Variants in FUNDC2 observed in about 807,000 individuals in gnomAD.
FUNDC2 encodes the protein FUN14 domain containing 2.
FUNDC2 carries 4 observed loss-of-function variants against 15.6 expected under a neutral mutation model. That is an observed-to-expected ratio of 0.26 (90% CI 0.13 to 0.59). The LOEUF (loss-of-function observed/expected upper bound fraction) is 0.59. FUNDC2 is among the 20% of genes least tolerant of loss of function. FUNDC2 has a pLI of 0.90. For missense variants in FUNDC2, 98 were observed against 149.7 expected (o/e 0.65, Z 1.80); for synonymous variants, 44 against 56.9 (o/e 0.77, Z 1.02).
chrX:155,051,626 A>AATC, intron 3 of FUNDC2, 44 bp from the exon 4 acceptor site: 1 of 1,189,206 alleles, frequency 8.4e-7, no homozygotes, highest in Non-Finnish European at 1.1e-6. Flanking sequence ...AGAAATAACA[A>AATC]ATCTGTTTCT....
chrX:155,027,855 G>A (rs1266499934), intron 1 of FUNDC2, among the ~76,000 whole-genome samples: 1 of 111,350 alleles, frequency 9.0e-6, no homozygotes, highest in Non-Finnish European at 1.9e-5. Flanking sequence ...CCCATCTCTG[G>A]GTTCAGTAGT....
At chrX:155,045,967 A>G (rs782292839) in intron 2 of FUNDC2, among the ~76,000 whole-genome samples, 2 of 110,846 alleles carry the variant, frequency 1.8e-5, no homozygotes, top group East Asian at 5.6e-4. Context: ...ACATATTCAA[A>G]ATGACATTAT....
rs1557291306 is a variant in FUNDC2 at position 155,058,232 on chromosome X, C to A, written c.*3560C>A. The stretch of plus-strand genomic sequence containing the variant: ...ACGATTCAAGTTGGCGGACTAGATT[C>A]TACAAGGAATGATCTCTTGCATAAT... On this transcript the variant is annotated 3_prime_UTR_variant, in exon 5 of 5. Transcript: ENST00000369498. 9.0e-6 allele frequency: 1 copy of A among 111,456 alleles called. No homozygotes were observed. The highest frequency in any genetic ancestry group is 3.3e-5 in the African/African-American group (1 of 30,569). The allele number at this position is 111,456 out of a possible 1,213,427, so 9.2% of individuals were successfully genotyped here. A position where few individuals can be genotyped will look rare whatever the true frequency, so the allele number is the denominator to read the frequency against.
chrX:155,056,202 C>T lies in FUNDC2; in HGVS notation c.*1530C>T, dbSNP rs2073895282. Reference sequence around the variant, plus strand: ...AGTAGAGAATATAGTACAATAATCCCCCTGTGTATCTATCACTCACTCACA... The same window carrying T: ...AGTAGAGAATATAGTACAATAATCCTCCTGTGTATCTATCACTCACTCACA... On this transcript the variant is annotated 3_prime_UTR_variant, in exon 5 of 5. Coordinates refer to ENST00000369498, the MANE Select transcript of FUNDC2 (RefSeq NM_023934.4). 1 of 111,667 alleles carries T rather than the reference C, an allele frequency of 9.0e-6. No homozygotes were observed. Among genetic ancestry groups the T allele is most frequent in the African/African-American group, 3.3e-5 (1 of 30,670 alleles). 9.2% of individuals were successfully genotyped at this position (111,667 alleles called of 1,213,427 possible). A position where few individuals can be genotyped will look rare whatever the true frequency, so the allele number is the denominator to read the frequency against.
chrX:155,031,495 A>C (rs2124184895), intron 1 of FUNDC2, among the ~76,000 whole-genome samples: 1 of 111,327 alleles, frequency 9.0e-6, no homozygotes, highest in African/African-American at 3.3e-5. Context: ...ACGCCCAGCT[A>C]ATTTTTGTAT....
intron 2 of FUNDC2, among the ~76,000 whole-genome samples, chrX:155,040,737 CTA>C (rs1339647082): frequency 9.0e-6 from 1 of 111,420 alleles, no homozygotes; most frequent in Admixed American, 9.5e-5. Context: ...TATGATAATT[CTA>C]TGTTTACTTT....
intron 2 of FUNDC2, among the ~76,000 whole-genome samples, chrX:155,042,175 C>CTTTTTTTTTTTTTTTTTTTTTTT (rs1175079092): frequency 7.7e-5 from 3 of 39,189 alleles, no homozygotes; most frequent in Non-Finnish European, 1.3e-4. Flanking sequence ...CTTTTTCTAT[C>CTTTTTTTTTTTTTTTTTTTTTTT]TTTTTTTTTT....
intron 1 of FUNDC2, among the ~76,000 whole-genome samples, chrX:155,029,025 G>A (rs2073805588): frequency 9.0e-6 from 1 of 111,693 alleles, no homozygotes; most frequent in African/African-American, 3.3e-5. Flanking sequence ...CCACCCAGGG[G>A]TGGGATCTAT....
At chrX:155,053,618 CAT>C (rs2073885223) in intron 4 of FUNDC2, among the ~76,000 whole-genome samples, 1 of 111,029 alleles carries the variant, frequency 9.0e-6, no homozygotes, top group South Asian at 3.8e-4. Flanking sequence ...GGCAGGAAGA[CAT>C]AGGCATCGTT....
In FUNDC2 at chrX:155,026,849, C is replaced by A; in HGVS notation, c.-90C>A. ...GGCGGGACCGCGGGGCCTGTGACAC[C>A]GCACGCTGAGCTCTGTGATGTAGCC... On this transcript the variant is annotated 5_prime_UTR_variant, in exon 1 of 5. Coordinates refer to ENST00000369498, the MANE Select transcript of FUNDC2 (RefSeq NM_023934.4). The A allele has an allele frequency of 8.9e-7, 1 of 1,128,950 alleles. No homozygotes were observed. The highest frequency in any genetic ancestry group is 1.2e-6 in the Non-Finnish European group (1 of 851,633). The allele number at this position is 1,128,950 out of a possible 1,213,427, so 93.0% of individuals were successfully genotyped here. A position where few individuals can be genotyped will look rare whatever the true frequency, so the allele number is the denominator to read the frequency against.
At position 155,055,458 on chromosome X, in the gene FUNDC2, C is replaced by G. The variant is rs782357164; in HGVS notation, c.*786C>G. The G allele has an allele frequency of 6.9e-6, 2 of 289,224 alleles. No individual in the cohort carries two copies. Among genetic ancestry groups the G allele is most frequent in the East Asian group, 9.6e-5 (2 of 20,748 alleles). The allele number at this position is 289,224 out of a possible 1,213,427, so 23.8% of individuals were successfully genotyped here. ...CACTTCTACTATTTTTTTTTTTAAT[C>G]TAGTTAGTATGAAATACAACATTTA... On this transcript the variant is annotated 3_prime_UTR_variant, in exon 5 of 5. Transcript: ENST00000369498.
In FUNDC2 at chrX:155,027,003, C is replaced by G. The variant is rs782275329; in HGVS notation, c.65C>G (p.Ala22Gly). 2.4e-5 allele frequency: 29 copies of G among 1,202,283 alleles called. No individual in the cohort carries two copies. In the African/African-American group the frequency reaches 4.7e-4, roughly 20 times the overall value. ...GCGACAACTGCGCGCCACTCCGCGG[C>G]CTACCGCGCAGATCCTCTACGTGTG... is the stretch of plus-strand genomic sequence containing the variant. Reference protein sequence around the residue: ...VVATTARHSAAYRADPLRVSS... With the variant: ...VVATTARHSAGYRADPLRVSS... Residue 22 changes from alanine (A) to glycine (G), a missense_variant, in exon 1 of 5, where the codon GCC (alanine) becomes GGC (glycine). Transcript: ENST00000369498.
chrX:155,029,338 T>A (rs1331654106), intron 1 of FUNDC2, among the ~76,000 whole-genome samples: 1 of 112,440 alleles, frequency 8.9e-6, no homozygotes, highest in Non-Finnish European at 1.9e-5. Flanking sequence ...GAGCATAATA[T>A]ATGATTGTTT....
rs1305528146 is a variant in FUNDC2, at chrX:155,055,273, C to T, written c.*601C>T. On this transcript the variant is annotated 3_prime_UTR_variant, in exon 5 of 5. Transcript: ENST00000369498. ...CTTTCTACCGTACAGGATAATGTAT[C>T]TCATGGCTGTTTCCAAAGGGTTTAT... 6.8e-5 allele frequency: 20 copies of T among 295,361 alleles called. No homozygotes were observed. The Admixed American group carries it at 1.2e-3, about 18-fold the overall frequency. The allele number at this position is 295,361 out of a possible 1,213,427, so 24.3% of individuals were successfully genotyped here. A position where few individuals can be genotyped will look rare whatever the true frequency, so the allele number is the denominator to read the frequency against.
At chrX:155,031,287 C>T (rs2073814102) in intron 1 of FUNDC2, among the ~76,000 whole-genome samples, 2 of 112,157 alleles carry the variant, frequency 1.8e-5, no homozygotes, top group African/African-American at 6.5e-5. Flanking sequence ...TTGCTTACTT[C>T]AGCATCTTGA....
At chrX:155,034,318 G>C (rs1278620194) in intron 2 of FUNDC2, among the ~76,000 whole-genome samples, 1 of 111,791 alleles carries the variant, frequency 8.9e-6, no homozygotes, top group Non-Finnish European at 1.9e-5. Flanking sequence ...TGCTTTTTTC[G>C]CTCAACCTGA....
chrX:155,057,368 G>C lies in FUNDC2; in HGVS notation c.*2696G>C, dbSNP rs939083043. 2.7e-5 allele frequency: 3 copies of C among 111,290 alleles called. No homozygotes were observed. The highest frequency in any genetic ancestry group is 7.5e-4 in the South Asian group (2 of 2,669). 9.2% of individuals were successfully genotyped at this position (111,290 alleles called of 1,213,427 possible). On this transcript the variant is annotated 3_prime_UTR_variant, in exon 5 of 5. Transcript: ENST00000369498. ...TGCACTACTTTCATTTGACTGGAGA[G>C]GCCTGCTTAGCTAGGCACGTATTTT...
In FUNDC2 at chrX:155,054,832, G is replaced by A. The variant is rs782814591; in HGVS notation, c.*160G>A. The stretch of plus-strand genomic sequence containing the variant: ...TAAGCATCTGCTGGTACAAGTCAAT[G>A]TGGCACCATGAGCTTCATGGTGGCA... On this transcript the variant is annotated 3_prime_UTR_variant, in exon 5 of 5. Coordinates refer to ENST00000369498, the MANE Select transcript of FUNDC2 (RefSeq NM_023934.4). The A allele has an allele frequency of 6.5e-5, 31 of 474,209 alleles. No homozygotes were observed. The highest frequency in any genetic ancestry group is 1.1e-4 in the Non-Finnish European group (31 of 271,928). 39.1% of individuals were successfully genotyped at this position (474,209 alleles called of 1,213,427 possible).
rs1202679490 is a variant in FUNDC2 at position 155,055,133 on chromosome X, T to C, written c.*461T>C. ...AAGATTTTGGTATCTTGGTGTCTAC[T>C]TTCTTTTTTAGTTGGTTTTACATTA... On this transcript the variant is annotated 3_prime_UTR_variant, in exon 5 of 5. Coordinates refer to ENST00000369498, the MANE Select transcript of FUNDC2 (RefSeq NM_023934.4). 4 of 297,313 alleles carry C rather than the reference T, an allele frequency of 1.3e-5. No individual in the cohort carries two copies. Among genetic ancestry groups the C allele is most frequent in the Non-Finnish European group, 2.3e-5 (4 of 170,945 alleles). The allele number at this position is 297,313 out of a possible 1,213,427, so 24.5% of individuals were successfully genotyped here.
Sources: allele counts gnomAD v4.1 joint callset (sites outside exome capture counted in the v4.1 genomes callset), GRCh38; gene constraint gnomAD v4.1.1; transcripts MANE v1.5; gene names NCBI Gene and HGNC (gene_info 2026-07-23, HGNC 2026-07-21).